KHDRBS3: variants seen among roughly 807,000 people sequenced by gnomAD.
The protein encoded by KHDRBS3 is KH domain-containing, RNA-binding, signal transduction-associated protein 3.
In KHDRBS3, 23 loss-of-function variants were observed where a neutral mutation model predicts 45.6. The ratio of observed to expected loss-of-function variants is 0.50; its 90% CI spans 0.36 to 0.72. The LOEUF (loss-of-function observed/expected upper bound fraction) is 0.72. Ranked by LOEUF, KHDRBS3 falls within the 30% of genes least tolerant of loss-of-function variation. The probability of loss-of-function intolerance (pLI) is 0.00; values close to 1 mark genes in which losing one functional copy is unlikely to be tolerated. For synonymous variants in KHDRBS3, 162 were observed against 156.5 expected (o/e 1.04, Z -0.26); for missense variants, 352 against 424.8 (o/e 0.83, Z 1.51).
rs111658448 is a variant in KHDRBS3, at chr8:135,613,456, T to A, written c.890+6419T>A. On this transcript the variant is annotated intron_variant, in intron 7 of 8. Coordinates refer to ENST00000355849, the MANE Select transcript of KHDRBS3 (RefSeq NM_006558.3). ...AGGCTGAAAGAGACAGGAAAGCACG[T>A]AGTCTTTGTAAACTGTGTAGAGGGA... 5.7e-4 allele frequency among the ~76,000 whole-genome samples: 87 copies of A among 151,892 alleles called. 1 individual carries two copies. Among genetic ancestry groups the A allele is most frequent in the African/African-American group, 1.9e-3 (78 of 41,216 alleles).
exon 5 of KHDRBS3, chr8:135,656,344 T>G (rs1216465843): frequency 6.6e-6 from 1 of 152,216 alleles, no homozygotes; most frequent in Non-Finnish European, 1.5e-5. Flanking sequence ...TTTGCATAAT[T>G]TTGTGTTCTG....
chr8:135,567,298 C>T lies in KHDRBS3; in HGVS notation c.611+9711C>T, dbSNP rs192969698. Among the ~76,000 whole-genome samples, 5 of 152,086 alleles carry T rather than the reference C, an allele frequency of 3.3e-5. No individual in the cohort carries two copies. In the East Asian group the frequency reaches 5.8e-4, roughly 18 times the overall value. ...AAGGCGTTCTCAGATGTGGAAAACA[C>T]GTCAGTTCACACTTGTGTAAGCACT... On this transcript the variant is annotated intron_variant, in intron 5 of 8. Coordinates refer to ENST00000355849, the MANE Select transcript of KHDRBS3 (RefSeq NM_006558.3).
chr8:135,645,782 G>A (rs938654749), intron 8 of KHDRBS3, among the ~76,000 whole-genome samples: 9 of 152,204 alleles, frequency 5.9e-5, no homozygotes, highest in East Asian at 3.9e-4. Flanking sequence ...AGCCCTTGCC[G>A]CAGGGCAAGG....
intron 1 of KHDRBS3, among the ~76,000 whole-genome samples, chr8:135,471,123 T>C (rs745854542): frequency 3.9e-5 from 6 of 152,188 alleles, no homozygotes; most frequent in Admixed American, 6.5e-5. Flanking sequence ...GTATACTCCT[T>C]GAAATGTTAA....
intron 5 of KHDRBS3, among the ~76,000 whole-genome samples, chr8:135,569,851 C>T (rs565688636): frequency 1.3e-5 from 2 of 152,234 alleles, no homozygotes; most frequent in Non-Finnish European, 2.9e-5. Context: ...GTTTCCTGTT[C>T]CCCCTTACCC....
intron 1 of KHDRBS3, among the ~76,000 whole-genome samples, chr8:135,518,524 C>T (rs926344163): frequency 6.6e-6 from 1 of 152,126 alleles, no homozygotes; most frequent in Non-Finnish European, 1.5e-5. Flanking sequence ...TTTTGACACA[C>T]ATACACATAC....
chr8:135,458,410 G>A, intron 1 of KHDRBS3: 2 of 214,978 alleles, frequency 9.3e-6, no homozygotes, highest in South Asian at 7.2e-5. Context: ...AAGAGGTGAA[G>A]GGAACAGGTG....
chr8:135,496,180 A>G (rs1327487758), intron 1 of KHDRBS3, among the ~76,000 whole-genome samples: 1 of 97,374 alleles, frequency 1.0e-5, no homozygotes, highest in East Asian at 4.8e-4. Flanking sequence ...GAGAGAGGGA[A>G]AGGTCATGCA....
chr8:135,652,735 C>T (rs568013702), intron 4 of KHDRBS3, among the ~76,000 whole-genome samples: 1 of 152,334 alleles, frequency 6.6e-6, no homozygotes, highest in South Asian at 2.1e-4. Flanking sequence ...CTTCGCAGCT[C>T]TACTATGGAC....
chr8:135,508,361 A>G (rs1273618832), intron 1 of KHDRBS3, among the ~76,000 whole-genome samples: 4 of 152,222 alleles, frequency 2.6e-5, no homozygotes, highest in Admixed American at 6.5e-5. Flanking sequence ...AATGAGAAAG[A>G]CATTGAATCT....
intron 1 of KHDRBS3, among the ~76,000 whole-genome samples, chr8:135,500,271 T>G (rs1454209307): frequency 3.9e-5 from 6 of 152,114 alleles, no homozygotes; most frequent in Non-Finnish European, 7.4e-5. Context: ...TTTTTTTTTT[T>G]GTAACTAAAG....
intron 4 of KHDRBS3, among the ~76,000 whole-genome samples, chr8:135,552,385 A>G (rs1826650540): frequency 6.6e-6 from 1 of 152,090 alleles, no homozygotes; most frequent in African/African-American, 2.4e-5. Context: ...GCCAGCTCAT[A>G]GCTGTTATTG....
chr8:135,589,243 A>T (rs1474018979), intron 6 of KHDRBS3, among the ~76,000 whole-genome samples: 1 of 152,088 alleles, frequency 6.6e-6, no homozygotes. Context: ...CCTTTCCTTA[A>T]ATAATGTATT....
At chr8:135,548,063 G>A (rs959279885) in intron 3 of KHDRBS3, among the ~76,000 whole-genome samples, 1 of 152,120 alleles carries the variant, frequency 6.6e-6, no homozygotes, top group Non-Finnish European at 1.5e-5. Context: ...TTTATTCTCA[G>A]ATAGAATATA....
chr8:135,600,916 G>A (rs903181053), intron 6 of KHDRBS3, among the ~76,000 whole-genome samples: 3 of 152,108 alleles, frequency 2.0e-5, no homozygotes, highest in Admixed American at 1.3e-4. Context: ...GCCTAGGCTG[G>A]GTCTCAAACT....
chr8:135,592,270 C>T (rs1335182015), intron 6 of KHDRBS3, among the ~76,000 whole-genome samples: 2 of 151,092 alleles, frequency 1.3e-5, no homozygotes, highest in African/African-American at 4.9e-5. Context: ...TTTCTTCCTA[C>T]GTTAAAACAA....
intron 6 of KHDRBS3, among the ~76,000 whole-genome samples, chr8:135,597,288 A>G (rs956094928): frequency 1.3e-5 from 2 of 152,188 alleles, no homozygotes; most frequent in African/African-American, 4.8e-5. Context: ...GAGAGCCTGC[A>G]TGTCTTAAGC....
chr8:135,464,161 C>G (rs1304518831), intron 1 of KHDRBS3, among the ~76,000 whole-genome samples: 1 of 152,158 alleles, frequency 6.6e-6, no homozygotes, highest in Non-Finnish European at 1.5e-5. Flanking sequence ...GGACAGAACT[C>G]AACATTGTTG....
chr8:135,578,950 G>T (rs972490326), intron 5 of KHDRBS3, among the ~76,000 whole-genome samples: 6 of 150,984 alleles, frequency 4.0e-5, no homozygotes, highest in Admixed American at 2.0e-4. Context: ...ATTTTTTTTT[G>T]GCTTCAGTAA....
Sources: allele counts gnomAD v4.1 joint callset (sites outside exome capture counted in the v4.1 genomes callset), GRCh38; gene constraint gnomAD v4.1.1; transcripts MANE v1.5; gene names NCBI Gene and HGNC (gene_info 2026-07-23, HGNC 2026-07-21).